FUT8: variants seen among roughly 807,000 people sequenced by gnomAD.
FUT8 encodes the protein alpha-(1,6)-fucosyltransferase.
FUT8 carries 29 observed loss-of-function variants against 71.3 expected under a neutral mutation model. That is an observed-to-expected ratio of 0.41 (90% CI 0.30 to 0.55). The LOEUF is 0.55. Among genes scored for constraint, FUT8 ranks in the 20% least tolerant of loss-of-function variants. The probability of loss-of-function intolerance (pLI) is 0.34; values close to 1 mark genes in which losing one functional copy is unlikely to be tolerated. For missense variants in FUT8, 544 were observed against 702.1 expected, an observed-to-expected ratio of 0.77 and a Z score of 2.55; for synonymous variants, 254 against 239.3, an observed-to-expected ratio of 1.06 and a Z score of -0.57.
the FUT8 span, among the ~76,000 whole-genome samples, chr14:65,365,328 CCTCT>C: frequency 0.073 from 10,115 of 138,900 alleles, 632 homozygotes; most frequent in African/African-American, 0.18. Context: ...ATAAATTCTT[CCTCT>C]CTCTCTCTCT....
At chr14:65,596,948 A>C (rs541051505) in intron 3 of FUT8, among the ~76,000 whole-genome samples, 2 of 152,344 alleles carry the variant, frequency 1.3e-5, no homozygotes, top group East Asian at 3.9e-4. Context: ...TCCTTTTAAA[A>C]TTTGAGGGCT....
intron 7 of FUT8, among the ~76,000 whole-genome samples, chr14:65,676,637 T>C (rs1892731300): frequency 6.7e-6 from 1 of 148,340 alleles, no homozygotes; most frequent in Admixed American, 6.7e-5. Context: ...TTCCCTTCCT[T>C]TCTTCCTTTT....
intron 5 of FUT8, among the ~76,000 whole-genome samples, chr14:65,628,392 A>G (rs1312439380): frequency 1.3e-5 from 2 of 152,340 alleles, no homozygotes; most frequent in East Asian, 3.9e-4. Context: ...AACAGGATCT[A>G]GCTGATATAT....
Position 65,527,982 on chromosome 14 carries a change from G to T in FUT8, c.-227-33355G>T, listed in dbSNP as rs150399118. Among the ~76,000 whole-genome samples the T allele has an allele frequency of 5.4e-3, 828 of 152,324 alleles. 5 individuals are homozygous for T. The highest frequency in any genetic ancestry group is 0.019 in the African/African-American group (785 of 41,572). On this transcript the variant is annotated intron_variant, in intron 2 of 10. Coordinates refer to ENST00000673929, the MANE Select transcript of FUT8 (RefSeq NM_001371533.1). ...CTACTGGGGGGTGCCTCCCAGTTAG[G>T]CTACTCGGGGGTCAGTGACCTACTT...
At chr14:65,558,953 G>C (rs991091116) in intron 2 of FUT8, among the ~76,000 whole-genome samples, 1 of 151,964 alleles carries the variant, frequency 6.6e-6, no homozygotes, top group Admixed American at 6.6e-5. Context: ...TATCAATATT[G>C]ATATATAATA....
At chr14:65,628,789 T>C (rs1339193651) in intron 5 of FUT8, among the ~76,000 whole-genome samples, 1 of 152,230 alleles carries the variant, frequency 6.6e-6, no homozygotes, top group Non-Finnish European at 1.5e-5. Flanking sequence ...TAAATAATCA[T>C]TTTATTAGTT....
chr14:65,553,780 A>T (rs1885425873), intron 2 of FUT8, among the ~76,000 whole-genome samples: 1 of 150,562 alleles, frequency 6.6e-6, no homozygotes, highest in African/African-American at 2.4e-5. Flanking sequence ...TATTACATGT[A>T]GTGTGTTCTC....
chr14:65,594,723 A>G (rs564422874), intron 3 of FUT8, among the ~76,000 whole-genome samples: 1 of 152,144 alleles, frequency 6.6e-6, no homozygotes, highest in African/African-American at 2.4e-5. Context: ...CGGGAAGGGC[A>G]GGTTGCTCTC....
chr14:65,436,073 G>C (rs1026965255), intron 1 of FUT8, among the ~76,000 whole-genome samples: 3 of 151,954 alleles, frequency 2.0e-5, no homozygotes, highest in Non-Finnish European at 4.4e-5. Flanking sequence ...TGGGACCACA[G>C]GTGTGTGCCA....
chr14:65,499,473 T>G (rs1347649689), intron 2 of FUT8, among the ~76,000 whole-genome samples: 2 of 152,126 alleles, frequency 1.3e-5, no homozygotes, highest in African/African-American at 2.4e-5. Flanking sequence ...TAACTAATTA[T>G]TAATAAATAT....
At chr14:65,389,190 T>A in the FUT8 span, among the ~76,000 whole-genome samples, 3 of 149,012 alleles carry the variant, frequency 2.0e-5, no homozygotes, top group South Asian at 6.4e-4. Context: ...TATAAAAAAA[T>A]TATTTTTTAT....
At chr14:65,656,073 T>A (rs1594866926) in intron 6 of FUT8, among the ~76,000 whole-genome samples, 2 of 152,186 alleles carry the variant, frequency 1.3e-5, no homozygotes, top group East Asian at 3.9e-4. Flanking sequence ...CTTTCACCAC[T>A]GTTATTCAAC....
chr14:65,412,110 C>T (rs1354304700), upstream of FUT8: 1 of 456,306 alleles, frequency 2.2e-6, no homozygotes. Flanking sequence ...AGAGGCCGGG[C>T]ATCGAACTCA....
chr14:65,438,312 T>G (rs2065591673), intron 1 of FUT8, among the ~76,000 whole-genome samples: 1 of 152,148 alleles, frequency 6.6e-6, no homozygotes, highest in Non-Finnish European at 1.5e-5. Context: ...TTCTCTCAAG[T>G]TAATGAAACC....
At chr14:65,713,326 A>G (rs932747435) in intron 7 of FUT8, among the ~76,000 whole-genome samples, 7 of 152,306 alleles carry the variant, frequency 4.6e-5, no homozygotes, top group South Asian at 2.1e-4. Context: ...GTTGCTTTCA[A>G]ATCTTGGCTA....
intron 7 of FUT8, among the ~76,000 whole-genome samples, chr14:65,713,086 TTCTACACTCTA>T (rs1894884671): frequency 6.6e-6 from 1 of 152,260 alleles, no homozygotes; most frequent in Non-Finnish European, 1.5e-5. Flanking sequence ...GTCACTGTCA[TTCTACACTCTA>T]TCTCCAAGAT....
At chr14:65,677,173 CGTATGTGT>C (rs1892800030) in intron 7 of FUT8, among the ~76,000 whole-genome samples, 1 of 108,272 alleles carries the variant, frequency 9.2e-6, no homozygotes, top group Non-Finnish European at 1.7e-5. Flanking sequence ...TGCGCGCGCA[CGTATGTGT>C]GTGCGCATGT....
At chr14:65,527,003 C>G (rs1192183779) in intron 2 of FUT8, among the ~76,000 whole-genome samples, 1 of 152,144 alleles carries the variant, frequency 6.6e-6, no homozygotes, top group Non-Finnish European at 1.5e-5. Context: ...ACATTTTTTC[C>G]TTCATTTCAA....
chr14:65,458,903 C>A (rs978144686), intron 2 of FUT8, among the ~76,000 whole-genome samples: 1 of 151,704 alleles, frequency 6.6e-6, no homozygotes, highest in African/African-American at 2.4e-5. Flanking sequence ...GTTCTCATGC[C>A]TCAGACTCCC....
Sources: allele counts gnomAD v4.1 joint callset (sites outside exome capture counted in the v4.1 genomes callset), GRCh38; gene constraint gnomAD v4.1.1; transcripts MANE v1.5; gene names NCBI Gene and HGNC (gene_info 2026-07-23, HGNC 2026-07-21).